ADD1: variants seen among roughly 807,000 people sequenced by gnomAD.
The protein encoded by ADD1 is adducin 1.
Under a neutral mutation model 80.5 loss-of-function variants are expected in ADD1, and 24 were observed. The ratio of observed to expected loss-of-function variants is 0.30; its 90% CI spans 0.22 to 0.42. The LOEUF (loss-of-function observed/expected upper bound fraction) is 0.42, where lower values mean the gene tolerates loss of function less well. Ranked by LOEUF, ADD1 falls within the 10% of genes least tolerant of loss-of-function variation. ADD1 has a pLI of 1.00. For missense variants in ADD1, 948 were observed against 1,019.0 expected (o/e 0.93, Z 0.95); for synonymous variants, 373 against 393.8 (o/e 0.95, Z 0.63).
At chr4:2,857,122 C>G (rs754663564) in intron 1 of ADD1, among the ~76,000 whole-genome samples, 1 of 151,938 alleles carries the variant, frequency 6.6e-6, no homozygotes, top group Non-Finnish European at 1.5e-5. Context: ...CCATGTTAGC[C>G]AGGCTGGTCT....
chr4:2,889,399 A>T (rs1032204746), intron 4 of ADD1, among the ~76,000 whole-genome samples: 1 of 152,256 alleles, frequency 6.6e-6, no homozygotes, highest in African/African-American at 2.4e-5. Flanking sequence ...GGACTAATAT[A>T]GGTGAAAATC....
chr4:2,907,102 G>C (rs1737187344), intron 10 of ADD1: 1 of 151,990 alleles, frequency 6.6e-6, no homozygotes, highest in African/African-American at 2.4e-5. Context: ...CTTCAAGTTT[G>C]TTTGGGATAT....
chr4:2,881,529 T>G (rs770689589), intron 2 of ADD1: 10 of 165,486 alleles, frequency 6.0e-5, no homozygotes, highest in Non-Finnish European at 1.0e-4. Context: ...GTTGAATGCA[T>G]GCGTAGAATT....
At chr4:2,893,963 CAA>C in intron 4 of ADD1, 48 bp from the exon 5 acceptor site, 1 of 1,523,302 alleles carries the variant, frequency 6.6e-7, no homozygotes, top group Non-Finnish European at 9.1e-7. Context: ...GAAAGAGATG[CAA>C]ATAATTTCAC....
chr4:2,926,707 G>A lies in ADD1; in HGVS notation c.2047+595G>A, dbSNP rs776829485. The A allele has an allele frequency of 6.2e-7, 1 of 1,609,618 alleles. No individual in the cohort carries two copies. The highest frequency in any genetic ancestry group is 1.1e-5 in the South Asian group (1 of 90,756). ...ACCGTGCTGCCTCCGCTCTCCACCG[G>A]TGCCCTGCGCTTTGCCTCATTCTCC... On this transcript the variant is annotated intron_variant, in intron 15 of 15. Transcript: ENST00000683351. The surrounding 1 kb of genome is among the most constrained non-coding windows in gnomAD (Gnocchi z 5.0).
chr4:2,857,052 A>G (rs1728188469), intron 1 of ADD1, among the ~76,000 whole-genome samples: 1 of 151,918 alleles, frequency 6.6e-6, no homozygotes, highest in Middle Eastern at 3.4e-3. Flanking sequence ...AGCTGGGACT[A>G]CAGGCTCATG....
At position 2,843,932 on chromosome 4, in the gene ADD1, AG is replaced by A; in HGVS notation, c.-109del. On this transcript the variant is annotated 5_prime_UTR_variant, in exon 1 of 16. Coordinates refer to ENST00000683351, the MANE Select transcript of ADD1 (RefSeq NM_001354761.2). Reference sequence around the variant, plus strand: ...GCCTGGCGGGCCGCTGCTGCGGGCCAGGGGACGGGGGCGGAGCCGGAGCCGG... The same window carrying A: ...GCCTGGCGGGCCGCTGCTGCGGGCCAGGGACGGGGGCGGAGCCGGAGCCGG... 6.5e-6 allele frequency: 1 copy of A among 153,078 alleles called. No homozygotes were observed. The highest frequency in any genetic ancestry group is 1.5e-5 in the Non-Finnish European group (1 of 68,464). 9.5% of individuals were successfully genotyped at this position (153,078 alleles called of 1,614,324 possible). A position where few individuals can be genotyped will look rare whatever the true frequency, so the allele number is the denominator to read the frequency against.
Position 2,926,731 on chromosome 4 carries a change from C to G in ADD1, c.2047+619C>G. 1.3e-6 allele frequency: 2 copies of G among 1,553,184 alleles called. No homozygotes were observed. The highest frequency in any genetic ancestry group is 1.8e-6 in the Non-Finnish European group (2 of 1,131,656). On this transcript the variant is annotated intron_variant, in intron 15 of 15. Transcript: ENST00000683351. This position sits in a 1 kb window ranked among gnomAD's most constrained non-coding sequence, Gnocchi z 5.0. ...GGTGCCCTGCGCTTTGCCTCATTCT[C>G]CTGCTTCTTTGTTGTTTATTAAGTT...
Position 2,896,679 on chromosome 4 carries a change from C to T in ADD1, c.742-1505C>T, listed in dbSNP as rs1179150197. ...CCTGAAAGAATGCATGTCACTCCAG[C>T]CACTAAAATGTTTATGGATTTTAAA... On this transcript the variant is annotated intron_variant, in intron 6 of 15. Transcript: ENST00000683351. Among the ~76,000 whole-genome samples, 4 of 152,044 alleles carry T rather than the reference C, an allele frequency of 2.6e-5. No homozygotes were observed. The East Asian group carries it at 7.7e-4, about 29-fold the overall frequency.
chr4:2,909,475 C>G, intron 13 of ADD1, 44 bp downstream of exon 13: 2 of 1,401,496 alleles, frequency 1.4e-6, no homozygotes, highest in South Asian at 1.2e-5. Flanking sequence ...GCGCCTTGCT[C>G]CCCTCCCCTC....
chr4:2,855,257 G>A (rs959828428), intron 1 of ADD1, among the ~76,000 whole-genome samples: 1 of 152,082 alleles, frequency 6.6e-6, no homozygotes, highest in African/African-American at 2.4e-5. Flanking sequence ...CTAAAAGAGT[G>A]TCTCTTATAA....
chr4:2,852,230 C>CCTTTCTTTCCTTTCTTTCTTT (rs1310935816), intron 1 of ADD1, among the ~76,000 whole-genome samples: 2 of 120,262 alleles, frequency 1.7e-5, no homozygotes, highest in East Asian at 4.2e-4. Context: ...TCCTTTCTTT[C>CCTTTCTTTCCTTTCTTTCTTT]CTTTCTTTCT....
rs764556246 is a variant in ADD1, at chr4:2,884,476, C to T, written c.359-39C>T. ...GAGTAACTAGGACTACAGGCGTATA[C>T]CACTGCACCTGGCTGAGTTTTGTTT... is the stretch of plus-strand genomic sequence containing the variant. On this transcript the variant is annotated intron_variant, in intron 3 of 15. Transcript: ENST00000683351. The T allele has an allele frequency of 1.1e-5, 17 of 1,557,394 alleles. No homozygotes were observed. In the South Asian group the frequency reaches 1.9e-4, roughly 17 times the overall value.
chr4:2,899,295 T>G lies in ADD1; in HGVS notation c.1021T>G (p.Leu341Val). ...GGCCAGTGCAGGAGGACCAGACAAC[T>G]TAGTCCTGCTGAATCCTGAGAAGTA... is the stretch of plus-strand genomic sequence containing the variant. ...TLASAGGPDN[L>V]VLLNPEKYKA... Residue 341 changes from leucine to valine, a missense_variant, in exon 9 of 16, where the codon TTA (leucine) becomes GTA (valine). Leu to Val is a conservative substitution (Grantham distance 32). Transcript: ENST00000683351. The G allele has an allele frequency of 1.2e-6, 2 of 1,614,158 alleles. No individual in the cohort carries two copies.
chr4:2,909,444 C>G lies in ADD1; in HGVS notation c.1791+13C>G, dbSNP rs1419066276. 1 of 1,538,488 alleles carries G rather than the reference C, an allele frequency of 6.5e-7. No individual in the cohort carries two copies. The highest frequency in any genetic ancestry group is 2.4e-5 in the East Asian group (1 of 40,856). On this transcript the variant is annotated intron_variant, in intron 13 of 15. Transcript: ENST00000683351. ...CTCTTTTAGAAAGGTACTCACTGCC[C>G]TGTCCTCACTACCTGTCTATGCGCC...
rs1737630740 is a variant in ADD1 at position 2,909,448 on chromosome 4, C to T, written c.1791+17C>T. ...TTTAGAAAGGTACTCACTGCCCTGT[C>T]CTCACTACCTGTCTATGCGCCTTGC... On this transcript the variant is annotated intron_variant, in intron 13 of 15. Coordinates refer to ENST00000683351, the MANE Select transcript of ADD1 (RefSeq NM_001354761.2). 3 of 1,534,528 alleles carry T rather than the reference C, an allele frequency of 2.0e-6. No individual in the cohort carries two copies. The highest frequency in any genetic ancestry group is 2.6e-6 in the Non-Finnish European group (3 of 1,132,502).
At chr4:2,849,466 T>C (rs537059776) in intron 1 of ADD1, among the ~76,000 whole-genome samples, 1 of 152,190 alleles carries the variant, frequency 6.6e-6, no homozygotes, top group East Asian at 1.9e-4. Flanking sequence ...AGTCCACAGG[T>C]ATATCTCAAA....
At chr4:2,852,207 C>CTTTCTTCCTTT (rs1553815097) in intron 1 of ADD1, among the ~76,000 whole-genome samples, 1 of 66,102 alleles carries the variant, frequency 1.5e-5, no homozygotes, top group African/African-American at 6.0e-5. Context: ...TCCTTTCTTT[C>CTTTCTTCCTTT]CTTTCCTTTC....
intron 14 of ADD1, among the ~76,000 whole-genome samples, chr4:2,917,403 T>G (rs1739269195): frequency 6.6e-6 from 1 of 152,264 alleles, no homozygotes; most frequent in East Asian, 1.9e-4. Flanking sequence ...TAAACTTGTT[T>G]AAGTTCCTTG....
Sources: gnomAD v4.1 joint callset for allele counts (sites outside exome capture counted in the v4.1 genomes callset) on GRCh38, gnomAD v4.1.1 for gene constraint, Gnocchi (gnomAD v3.1) non-coding constraint, MANE v1.5 for transcripts, NCBI Gene and HGNC (gene_info 2026-07-23, HGNC 2026-07-21) for gene names.